The following LY75 variants were observed in gnomAD, a reference collection of about 807,000 sequenced individuals.
The protein encoded by LY75 is lymphocyte antigen 75.
In LY75, 185 loss-of-function variants were observed where a neutral mutation model predicts 231.7. The observed-to-expected ratio is 0.80, with a 90% CI of 0.71 to 0.90. The LOEUF is 0.90. Among genes scored for constraint, LY75 ranks in the 40% least tolerant of loss-of-function variants. The pLI, the probability that LY75 is intolerant of heterozygous loss-of-function variation, is 0.00. For synonymous variants in LY75, 668 were observed against 689.0 expected, an observed-to-expected ratio of 0.97 and a Z score of 0.48; for missense variants, 1,947 against 2,050.2, an observed-to-expected ratio of 0.95 and a Z score of 0.97.
chr2:159,898,926 A>G lies in LY75; in HGVS notation c.228T>C (p.Phe76=). 1 of 1,614,230 alleles carries G rather than the reference A, an allele frequency of 6.2e-7. No homozygotes were observed. Among genetic ancestry groups the G allele is most frequent in the African/African-American group, 1.3e-5 (1 of 75,054 alleles). Residue 76 remains phenylalanine, a synonymous_variant, in exon 2 of 35, where the codon TTT becomes TTC. Coordinates refer to ENST00000263636, the MANE Select transcript of LY75 (RefSeq NM_002349.4). ...LWKWVSQHRL[F]HLHSQKCLGL... ...CAAGGCACTTTTGGGAGTGCAAATG[A>G]AAGAGCCGATGCTGGGACACCCACT... is the stretch of plus-strand genomic sequence containing the variant.
In LY75 at chr2:159,810,234, A is replaced by T. The variant is rs1341766367; in HGVS notation, c.4699+292T>A. Among the ~76,000 whole-genome samples the T allele has an allele frequency of 3.3e-5, 5 of 151,434 alleles. No homozygotes were observed. In the East Asian group the frequency reaches 9.9e-4, roughly 30 times the overall value. ...TTTTTAGTAGAGATAGGGTTTCACC[A>T]TGTTGGCCAGGATGGTCTTGATCTC... On this transcript the variant is annotated intron_variant, in intron 32 of 34. Transcript: ENST00000263636.
At position 159,885,167 on chromosome 2, in the gene LY75, G is replaced by A. The variant is rs745952723; in HGVS notation, c.1040C>T (p.Thr347Ile). The A allele has an allele frequency of 2.2e-5, 36 of 1,613,254 alleles. No homozygotes were observed. In the Admixed American group the frequency reaches 5.0e-4, roughly 22 times the overall value. Residue 347 changes from threonine to isoleucine, a missense_variant, in exon 6 of 35, where the codon ACA becomes ATA. Transcript: ENST00000263636. ...GAGAAAGATACCTGTTAACTCCACT[G>A]TATTATTTAATGGTTTCCTGCAGAC... ...PYVCRKPLNN[T>I]VELTDVWTYS...
rs924277628 is a variant in LY75 at position 159,825,696 on chromosome 2, G to A, written c.3959-5776C>T. On this transcript the variant is annotated intron_variant, in intron 28 of 34. Coordinates refer to ENST00000263636, the MANE Select transcript of LY75 (RefSeq NM_002349.4). Reference sequence around the variant, plus strand: ...GCCAATATCTCTGATGAACATCGATGCAAAAATCCTCAAGAAAATACTGGC... The same window carrying A: ...GCCAATATCTCTGATGAACATCGATACAAAAATCCTCAAGAAAATACTGGC... 1.4e-4 allele frequency among the ~76,000 whole-genome samples: 21 copies of A among 152,288 alleles called. 1 individual carries two copies. Among genetic ancestry groups the A allele is most frequent in the Admixed American group, 1.2e-3 (18 of 15,296 alleles).
At chr2:159,805,929 A>G (rs1286305674) in intron 34 of LY75, among the ~76,000 whole-genome samples, 1 of 152,124 alleles carries the variant, frequency 6.6e-6, no homozygotes, top group Non-Finnish European at 1.5e-5. Context: ...CTGTATGTCT[A>G]GCACCTGCCT....
intron 15 of LY75, among the ~76,000 whole-genome samples, chr2:159,859,370 G>A (rs749804442): frequency 6.6e-6 from 1 of 152,164 alleles, no homozygotes; most frequent in Non-Finnish European, 1.5e-5. Flanking sequence ...CAGCCACCTT[G>A]TTGAATCTCT....
chr2:159,877,215 C>G (rs1234983923), intron 11 of LY75, among the ~76,000 whole-genome samples: 1 of 151,964 alleles, frequency 6.6e-6, no homozygotes, highest in African/African-American at 2.4e-5. Context: ...CTTTTGTGGG[C>G]ATTTTCTATT....
chr2:159,855,416 T>C (rs1684520025), intron 16 of LY75, among the ~76,000 whole-genome samples: 1 of 152,212 alleles, frequency 6.6e-6, no homozygotes, highest in Non-Finnish European at 1.5e-5. Flanking sequence ...TCTTCCAAGA[T>C]ATCCTTGGAA....
intron 13 of LY75, among the ~76,000 whole-genome samples, chr2:159,871,061 T>C (rs116206878): frequency 0.011 from 1,654 of 152,276 alleles, 17 homozygotes; most frequent in African/African-American, 0.038. Context: ...TTTTTCTGAC[T>C]TTCAGGGAAA....
At chr2:159,878,263 G>T in intron 11 of LY75, 61 bp downstream of exon 11, 1 of 1,555,454 alleles carries the variant, frequency 6.4e-7, no homozygotes. Context: ...AACATCTTTG[G>T]GAGGAGTGCT....
chr2:159,820,918 C>T (rs1251403834), intron 28 of LY75, among the ~76,000 whole-genome samples: 1 of 152,174 alleles, frequency 6.6e-6, no homozygotes, highest in African/African-American at 2.4e-5. Flanking sequence ...CAGCTCACTG[C>T]AACCTCCACC....
chr2:159,877,316 A>C (rs541607136), intron 11 of LY75, among the ~76,000 whole-genome samples: 2 of 152,328 alleles, frequency 1.3e-5, no homozygotes, highest in East Asian at 3.9e-4. Flanking sequence ...AACACAATAA[A>C]ATATAAATAA....
intron 16 of LY75, among the ~76,000 whole-genome samples, chr2:159,855,828 A>C (rs768944141): frequency 8.5e-5 from 13 of 152,170 alleles, no homozygotes; most frequent in Non-Finnish European, 1.8e-4. Context: ...CAAGTCAAAG[A>C]CATCATTTGC....
In LY75 at chr2:159,842,556, C is replaced by T. The variant is rs564565476; in HGVS notation, c.3151-182G>A. On this transcript the variant is annotated intron_variant, in intron 23 of 34. Transcript: ENST00000263636. The stretch of plus-strand genomic sequence containing the variant: ...CAAAGCATGGATAAAGGGCAATTAA[C>T]TTTATAAAAAACAAAATAGTGGCAA... 2.6e-3 allele frequency among the ~76,000 whole-genome samples: 403 copies of T among 152,156 alleles called. 2 individuals are homozygous for T. The highest frequency in any genetic ancestry group is 9.1e-3 in the African/African-American group (379 of 41,530).
Position 159,850,386 on chromosome 2 carries a change from A to C in LY75, c.2965T>G (p.Ser989Ala), listed in dbSNP as rs1268952176. 3 of 1,613,584 alleles carry C rather than the reference A, an allele frequency of 1.9e-6. No individual in the cohort carries two copies. The highest frequency in any genetic ancestry group is 2.7e-5 in the African/African-American group (2 of 74,888). The change falls in exon 22 of 35, where the codon TCA (serine) becomes GCA (alanine). Residue 989 changes from serine (S) to alanine (A), a missense_variant. Coordinates refer to ENST00000263636, the MANE Select transcript of LY75 (RefSeq NM_002349.4). ...TCHSYGGTLP[S>A]VLSQIEQDFI... Reference sequence around the variant, plus strand: ...CCTTGTTCAATCTGGCTCAACACTGAAGGAAGGGTGCCACCATAGGAGTGA... The same window carrying C: ...CCTTGTTCAATCTGGCTCAACACTGCAGGAAGGGTGCCACCATAGGAGTGA...
chr2:159,858,592 G>C, intron 15 of LY75, 116 bp from the exon 16 acceptor site: 6 of 1,172,078 alleles, frequency 5.1e-6, no homozygotes, highest in Non-Finnish European at 6.8e-6. Flanking sequence ...TAAGATATTT[G>C]TTCGATAAAT....
intron 12 of LY75, among the ~76,000 whole-genome samples, chr2:159,873,300 G>A (rs766286447): frequency 6.6e-5 from 10 of 152,126 alleles, no homozygotes; most frequent in Non-Finnish European, 1.3e-4. Flanking sequence ...CCTGGTGGGC[G>A]GAGTATACGT....
Position 159,805,050 on chromosome 2 carries a change from A to G in LY75, c.5163T>C (p.His1721=), listed in dbSNP as rs763772371. 1.2e-6 allele frequency: 2 copies of G among 1,613,022 alleles called. No homozygotes were observed. Among genetic ancestry groups the G allele is most frequent in the South Asian group, 1.1e-5 (1 of 90,792 alleles). The change falls in exon 35 of 35, where the codon CAT becomes CAC. Residue 1721 remains histidine, a synonymous_variant. Transcript: ENST00000263636. ...NEDEIMLPSF[H]D is the part of the protein sequence containing the mutation. ...AGAAAACTTTTAGAAGAATTTAGTC[A>G]TGGAAAGAAGGAAGCATAATCTCAT... is the stretch of plus-strand genomic sequence containing the variant.
At chr2:159,871,538 C>T (rs1685012308) in intron 13 of LY75, among the ~76,000 whole-genome samples, 1 of 152,062 alleles carries the variant, frequency 6.6e-6, no homozygotes, top group East Asian at 1.9e-4. Flanking sequence ...TTTGTGGCCC[C>T]TTCCTCCCAG....
rs1394829139 is a variant in LY75 at position 159,898,704 on chromosome 2, A to G, written c.450T>C (p.Cys150=). 6.2e-7 allele frequency: 1 copy of G among 1,613,034 alleles called. No individual in the cohort carries two copies. Among genetic ancestry groups the G allele is most frequent in the Non-Finnish European group, 8.5e-7 (1 of 1,179,050 alleles). Residue 150 remains cysteine (C), a synonymous_variant, in exon 2 of 35, where the codon TGT becomes TGC. Coordinates refer to ENST00000263636, the MANE Select transcript of LY75 (RefSeq NM_002349.4). ...WKKGGSEESL[C]DQPYHEIYTR... is the part of the protein sequence containing the mutation. ...AATACTCACCATGATAAGGCTGGTCACAAAGGCTTTCCTCTGAGCCTCCTT... is the reference window on the plus strand; with the variant it reads ...AATACTCACCATGATAAGGCTGGTCGCAAAGGCTTTCCTCTGAGCCTCCTT...
Sources: gnomAD v4.1 joint callset for allele counts (sites outside exome capture counted in the v4.1 genomes callset) on GRCh38, gnomAD v4.1.1 for gene constraint, MANE v1.5 for transcripts, NCBI Gene and HGNC (gene_info 2026-07-23, HGNC 2026-07-21) for gene names.